The following TMEM132C variants were observed in gnomAD, a reference collection of about 807,000 sequenced individuals.
TMEM132C encodes the protein protein phosphatase 1, regulatory subunit 152.
A neutral mutation model predicts 61.4 loss-of-function variants in TMEM132C; 29 were observed. That is an observed-to-expected ratio of 0.47 (90% CI 0.35 to 0.64). The LOEUF is 0.64. Ranked by LOEUF, TMEM132C falls within the 30% of genes least tolerant of loss-of-function variation. TMEM132C has a pLI of 0.00. For missense variants in TMEM132C, 1,408 were observed against 1,476.9 expected (o/e 0.95, Z 0.76); for synonymous variants, 656 against 633.1 (o/e 1.04, Z -0.54).
intron 3 of TMEM132C, among the ~76,000 whole-genome samples, chr12:128,598,211 G>A (rs757540051): frequency 6.6e-6 from 1 of 152,204 alleles, no homozygotes; most frequent in African/African-American, 2.4e-5. Context: ...GAGGCCAGGA[G>A]TTAGAGACCA....
intron 2 of TMEM132C, among the ~76,000 whole-genome samples, chr12:128,443,520 A>G (rs1297630134): frequency 3.3e-5 from 5 of 152,316 alleles, no homozygotes; most frequent in Admixed American, 6.5e-5. Context: ...TAATTTTTCT[A>G]TAGTTTTATA....
Position 128,366,096 on chromosome 12 carries a change from C to T in TMEM132C, c.86-48636C>T, listed in dbSNP as rs1873859852. Among the ~76,000 whole-genome samples the T allele has an allele frequency of 2.0e-5, 3 of 152,192 alleles. No individual in the cohort carries two copies. The South Asian group carries it at 6.2e-4, about 32-fold the overall frequency. The stretch of plus-strand genomic sequence containing the variant: ...TGCACTTCCCTTTGCGGGGCTCACA[C>T]AGACAAGATGTGTGTTGCAAGGATG... On this transcript the variant is annotated intron_variant, in intron 1 of 8. Coordinates refer to ENST00000435159, the MANE Select transcript of TMEM132C (RefSeq NM_001136103.3).
At chr12:128,276,903 C>G (rs1242128702) in intron 1 of TMEM132C, among the ~76,000 whole-genome samples, 1 of 151,714 alleles carries the variant, frequency 6.6e-6, no homozygotes, top group Non-Finnish European at 1.5e-5. Context: ...TGCACACACA[C>G]ACACACACAC....
At chr12:128,530,762 A>G (rs894428798) in intron 2 of TMEM132C, among the ~76,000 whole-genome samples, 2 of 152,338 alleles carry the variant, frequency 1.3e-5, no homozygotes, top group East Asian at 1.9e-4. Flanking sequence ...ACTTCTTTAT[A>G]TAGTATTTTC....
intron 2 of TMEM132C, among the ~76,000 whole-genome samples, chr12:128,435,335 A>C (rs1315181270): frequency 6.6e-6 from 1 of 152,186 alleles, no homozygotes; most frequent in Non-Finnish European, 1.5e-5. Flanking sequence ...CTGGTGTTTC[A>C]ATTAGGAAAA....
intron 5 of TMEM132C, among the ~76,000 whole-genome samples, chr12:128,678,066 A>G (rs1189546132): frequency 6.6e-6 from 1 of 152,174 alleles, no homozygotes; most frequent in African/African-American, 2.4e-5. Context: ...CTTTGGCAAC[A>G]GCCCTAAGTT....
intron 2 of TMEM132C, among the ~76,000 whole-genome samples, chr12:128,427,848 T>A (rs1869247897): frequency 6.6e-6 from 1 of 152,242 alleles, no homozygotes. Context: ...GCTCTGATAT[T>A]GCAAGCACTG....
At chr12:128,611,992 T>G (rs1876650483) in intron 3 of TMEM132C, among the ~76,000 whole-genome samples, 1 of 152,236 alleles carries the variant, frequency 6.6e-6, no homozygotes, top group South Asian at 2.1e-4. Context: ...ACTATGCATT[T>G]TTTAGAGACG....
chr12:128,453,755 G>A (rs1870254818), intron 2 of TMEM132C, among the ~76,000 whole-genome samples: 1 of 152,200 alleles, frequency 6.6e-6, no homozygotes, highest in Non-Finnish European at 1.5e-5. Context: ...TGTGTTGGGA[G>A]GTGAGGCACC....
At chr12:128,693,770 G>A in intron 5 of TMEM132C, 59 bp from the exon 6 acceptor site, 3 of 1,529,950 alleles carry the variant, frequency 2.0e-6, no homozygotes, top group Non-Finnish European at 2.7e-6. Context: ...AACAAAAAAA[G>A]GATTGTCTCC....
intron 1 of TMEM132C, among the ~76,000 whole-genome samples, chr12:128,324,855 G>A (rs1683700): frequency 0.38 from 57,338 of 152,004 alleles, 11,366 homozygotes; most frequent in Admixed American, 0.51. Flanking sequence ...AATGTTGTGA[G>A]CATTTTCTGA....
chr12:128,517,007 A>G (rs1156633457), intron 2 of TMEM132C, among the ~76,000 whole-genome samples: 2 of 150,832 alleles, frequency 1.3e-5, no homozygotes, highest in African/African-American at 4.9e-5. Flanking sequence ...GGATCACTTG[A>G]CGTCAGGAAT....
In TMEM132C at chr12:128,414,973, T is replaced by G. The variant is rs1868709954; in HGVS notation, c.327T>G (p.Pro109=). 6.4e-7 allele frequency: 1 copy of G among 1,551,840 alleles called. No individual in the cohort carries two copies. The highest frequency in any genetic ancestry group is 1.4e-5 in the African/African-American group (1 of 73,054). ...YGPFSVEKVV[P]LDLMLTSNFL... is the part of the protein sequence containing the mutation. ...CCTTTTCTGTGGAGAAGGTTGTGCCTCTGGACTTGATGTTGACTTCAAACT... is the reference window on the plus strand; with the variant it reads ...CCTTTTCTGTGGAGAAGGTTGTGCCGCTGGACTTGATGTTGACTTCAAACT... The change falls in exon 2 of 9, where the codon CCT becomes CCG. Residue 109 remains proline, a synonymous_variant. Transcript: ENST00000435159.
At chr12:128,529,900 G>A (rs4882779) in intron 2 of TMEM132C, among the ~76,000 whole-genome samples, 8,676 of 152,212 alleles carry the variant, frequency 0.057, 319 homozygotes, top group South Asian at 0.1. Context: ...GAGATGATTA[G>A]GGAAATGTTT....
intron 2 of TMEM132C, among the ~76,000 whole-genome samples, chr12:128,478,800 A>G (rs1327573785): frequency 3.9e-5 from 6 of 152,218 alleles, no homozygotes; most frequent in East Asian, 1.9e-4. Context: ...CTGTCTATCC[A>G]GCACTCAACG....
At chr12:128,598,392 G>T (rs10773560) in intron 3 of TMEM132C, among the ~76,000 whole-genome samples, 113,167 of 152,010 alleles carry the variant, frequency 0.74, 42,608 homozygotes, top group East Asian at 0.87. Context: ...GCCAAGATCA[G>T]GCCCCTGCAC....
At chr12:128,548,007 A>G (rs564303201) in intron 3 of TMEM132C, among the ~76,000 whole-genome samples, 6 of 151,912 alleles carry the variant, frequency 3.9e-5, no homozygotes, top group Non-Finnish European at 7.4e-5. Context: ...ACTCACCCCT[A>G]TTGATCCCCA....
rs569221883 is a variant in TMEM132C, at chr12:128,690,663, G to T, written c.1450-3166G>T. On this transcript the variant is annotated intron_variant, in intron 5 of 8. Coordinates refer to ENST00000435159, the MANE Select transcript of TMEM132C (RefSeq NM_001136103.3). ...CTAATGCCTTCCCAGATCCAGGACA[G>T]TGTTTACCTGCTAATGACAAGCCTG... Among the ~76,000 whole-genome samples the T allele has an allele frequency of 7.2e-5, 11 of 152,330 alleles. No individual in the cohort carries two copies. The East Asian group carries it at 2.1e-3, about 29-fold the overall frequency.
intron 3 of TMEM132C, among the ~76,000 whole-genome samples, chr12:128,589,301 T>A (rs986364360): frequency 1.3e-5 from 2 of 152,078 alleles, no homozygotes; most frequent in African/African-American, 2.4e-5. Context: ...TGCAAGGGCC[T>A]CCCCTTGCCC....
Sources: gnomAD v4.1 joint callset for allele counts (sites outside exome capture counted in the v4.1 genomes callset) on GRCh38, gnomAD v4.1.1 for gene constraint, MANE v1.5 for transcripts, NCBI Gene and HGNC (gene_info 2026-07-23, HGNC 2026-07-21) for gene names.